CNTN1: variants seen among roughly 807,000 people sequenced by gnomAD.
CNTN1 encodes the protein contactin-1.
A neutral mutation model predicts 126.4 loss-of-function variants in CNTN1; 38 were observed. The ratio of observed to expected loss-of-function variants is 0.30; its 90% CI spans 0.23 to 0.39. The LOEUF (loss-of-function observed/expected upper bound fraction) is 0.39, where lower values mean the gene tolerates loss of function less well. CNTN1 is among the 10% of genes least tolerant of loss of function. The pLI, the probability that CNTN1 is intolerant of heterozygous loss-of-function variation, is 1.00. For missense variants in CNTN1, 1,009 were observed against 1,248.4 expected, an observed-to-expected ratio of 0.81 and a Z score of 2.89; for synonymous variants, 413 against 422.6, an observed-to-expected ratio of 0.98 and a Z score of 0.28.
At chr12:41,054,821 T>C (rs1431577865) in intron 23 of CNTN1, among the ~76,000 whole-genome samples, 1 of 152,122 alleles carries the variant, frequency 6.6e-6, no homozygotes, top group Admixed American at 6.6e-5. Flanking sequence ...TTCATTTATA[T>C]GTGTTAATTT....
intron 1 of CNTN1, among the ~76,000 whole-genome samples, chr12:40,901,478 C>G (rs915055243): frequency 6.6e-6 from 1 of 152,074 alleles, no homozygotes; most frequent in Admixed American, 6.5e-5. Flanking sequence ...ATCAAGCTTC[C>G]TAAGTAATTT....
Position 41,015,430 on chromosome 12 carries a change from T to C in CNTN1, c.2184+1132T>C, listed in dbSNP as rs73116989. On this transcript the variant is annotated intron_variant, in intron 18 of 23. Coordinates refer to ENST00000551295, the MANE Select transcript of CNTN1 (RefSeq NM_001843.4). ...GGTTTCTGGAGATAGAGCCCGAGAG[T>C]TGTTATTTTTGAAATTTTCATAGCT... Among the ~76,000 whole-genome samples the C allele has an allele frequency of 7.8e-3, 1,187 of 152,180 alleles. 14 individuals carry two copies. The highest frequency in any genetic ancestry group is 9.2e-3 in the Non-Finnish European group (625 of 67,982).
chr12:40,765,509 AG>A (rs1423451595), intron 1 of CNTN1, among the ~76,000 whole-genome samples: 1 of 152,202 alleles, frequency 6.6e-6, no homozygotes, highest in Non-Finnish European at 1.5e-5. Flanking sequence ...GAACAAGCAA[AG>A]GAGAACAAGA....
At chr12:40,774,427 A>C (rs541759678) in intron 1 of CNTN1, among the ~76,000 whole-genome samples, 1 of 151,728 alleles carries the variant, frequency 6.6e-6, no homozygotes, top group Non-Finnish European at 1.5e-5. Context: ...ATCTATCAGT[A>C]GTTCAATTAT....
intron 1 of CNTN1, among the ~76,000 whole-genome samples, chr12:40,765,974 C>G (rs1158319683): frequency 6.6e-6 from 1 of 152,084 alleles, no homozygotes; most frequent in Non-Finnish European, 1.5e-5. Context: ...GCTGGAGATG[C>G]CTATGGTTAT....
Position 40,980,946 on chromosome 12 carries a change from C to T in CNTN1, c.1842C>T (p.Asp614=), listed in dbSNP as rs371908420. ...PGPPGGLRIE[D]IRATSVALTW... ...CTCCAGGTGGTCTGAGAATAGAAGACATTAGAGCCACTTCTGTGGCACTTA... is the reference window on the plus strand; with the variant it reads ...CTCCAGGTGGTCTGAGAATAGAAGATATTAGAGCCACTTCTGTGGCACTTA... The change falls in exon 16 of 24, where the codon GAC becomes GAT. Residue 614 remains aspartate, a synonymous_variant. Transcript: ENST00000551295. 34 of 1,613,866 alleles carry T rather than the reference C, an allele frequency of 2.1e-5. No homozygotes were observed. The highest frequency in any genetic ancestry group is 1.9e-4 in the South Asian group (17 of 91,084).
intron 1 of CNTN1, among the ~76,000 whole-genome samples, chr12:40,842,092 A>G (rs776041137): frequency 6.6e-6 from 1 of 152,112 alleles, no homozygotes; most frequent in Non-Finnish European, 1.5e-5. Flanking sequence ...AATCTAAGTT[A>G]AGTTAAAAAG....
At chr12:41,057,188 G>T (rs1949843977) in intron 23 of CNTN1, among the ~76,000 whole-genome samples, 1 of 140,360 alleles carries the variant, frequency 7.1e-6, no homozygotes, top group Non-Finnish European at 1.5e-5. Flanking sequence ...TAAATATTTA[G>T]ATATTTATAT....
chr12:40,818,145 G>A (rs750642950), intron 1 of CNTN1, among the ~76,000 whole-genome samples: 3 of 151,986 alleles, frequency 2.0e-5, no homozygotes, highest in Non-Finnish European at 4.4e-5. Context: ...TGTGTCTTAG[G>A]GTTGATCTTC....
chr12:41,038,028 C>G (rs1377552021), intron 23 of CNTN1, among the ~76,000 whole-genome samples: 1 of 151,966 alleles, frequency 6.6e-6, no homozygotes, highest in African/African-American at 2.4e-5. Flanking sequence ...CATGGTGGCA[C>G]ACACCTGTAA....
At chr12:40,699,059 C>A (rs1941530002) in intron 1 of CNTN1, among the ~76,000 whole-genome samples, 1 of 114,156 alleles carries the variant, frequency 8.8e-6, no homozygotes, top group African/African-American at 3.3e-5. Context: ...CCCCTGAATT[C>A]CCAGTCTTAA....
chr12:40,820,522 G>T (rs933846184), intron 1 of CNTN1, among the ~76,000 whole-genome samples: 1 of 152,164 alleles, frequency 6.6e-6, no homozygotes, highest in Non-Finnish European at 1.5e-5. Flanking sequence ...TGAGACATGG[G>T]CACTTACAGT....
At chr12:40,786,589 G>C (rs1238782012) in intron 1 of CNTN1, among the ~76,000 whole-genome samples, 1 of 152,128 alleles carries the variant, frequency 6.6e-6, no homozygotes, top group Non-Finnish European at 1.5e-5. Flanking sequence ...ATGGGCATTA[G>C]AGACTGTCCA....
At chr12:40,947,764 CATATATAT>C (rs34815270) in intron 14 of CNTN1, among the ~76,000 whole-genome samples, 12 of 68,270 alleles carry the variant, frequency 1.8e-4, no homozygotes, top group Admixed American at 7.2e-4. Context: ...GTCACTATTT[CATATATAT>C]ATATATATAT....
chr12:40,762,249 G>A (rs1012015665), intron 1 of CNTN1, among the ~76,000 whole-genome samples: 4 of 152,150 alleles, frequency 2.6e-5, no homozygotes, highest in East Asian at 1.9e-4. Context: ...AATGTCCAAA[G>A]TAGAAATAGC....
At chr12:40,694,521 T>C (rs776797821) in intron 1 of CNTN1, among the ~76,000 whole-genome samples, 1 of 152,170 alleles carries the variant, frequency 6.6e-6, no homozygotes, top group Non-Finnish European at 1.5e-5. Context: ...TCCCCTCAAA[T>C]AGAATACTTT....
At position 40,861,515 on chromosome 12, in the gene CNTN1, A is replaced by ATTT. The variant is rs917682081; in HGVS notation, c.-76-46835_-76-46833dup. ...TTTCTACTAGTTTTCTTTCTCTTTGATTTTTTTTTCTCTTAGCCAGAGATT... is the reference window on the plus strand; with the variant it reads ...TTTCTACTAGTTTTCTTTCTCTTTGATTTTTTTTTTTTCTCTTAGCCAGAGATT... On this transcript the variant is annotated intron_variant, in intron 1 of 23. Transcript: ENST00000551295. Among the ~76,000 whole-genome samples the ATTT allele has an allele frequency of 4.6e-5, 7 of 151,278 alleles. No homozygotes were observed. In the South Asian group the frequency reaches 1.5e-3, roughly 32 times the overall value.
chr12:40,918,233 G>A (rs1565944892), intron 3 of CNTN1, among the ~76,000 whole-genome samples: 1 of 152,098 alleles, frequency 6.6e-6, no homozygotes, highest in Non-Finnish European at 1.5e-5. Context: ...ATAAAAGCCA[G>A]GAGAGATGAG....
intron 1 of CNTN1, among the ~76,000 whole-genome samples, chr12:40,701,770 G>T (rs1218115169): frequency 6.6e-6 from 1 of 152,154 alleles, no homozygotes; most frequent in Non-Finnish European, 1.5e-5. Context: ...TTCTGCACAA[G>T]TTGAGTGGTA....
Sources: allele counts gnomAD v4.1 joint callset (sites outside exome capture counted in the v4.1 genomes callset), GRCh38; gene constraint gnomAD v4.1.1; transcripts MANE v1.5; gene names NCBI Gene and HGNC (gene_info 2026-07-23, HGNC 2026-07-21).